Variants in MICAL1 observed in about 807,000 individuals in gnomAD.
MICAL1 encodes [F-actin]-monooxygenase MICAL1.
A neutral mutation model predicts 131.8 loss-of-function variants in MICAL1; 95 were observed. The ratio of observed to expected loss-of-function variants is 0.72; its 90% CI spans 0.61 to 0.86. MICAL1 has a LOEUF of 0.86. Among genes scored for constraint, MICAL1 ranks in the 40% least tolerant of loss-of-function variants. MICAL1 has a pLI of 0.00. For synonymous variants in MICAL1, 546 were observed against 554.2 expected (o/e 0.99, Z 0.21); for missense variants, 1,292 against 1,380.6 (o/e 0.94, Z 1.02).
chr6:109,457,279 A>T (rs1775776564), upstream of MICAL1, among the ~76,000 whole-genome samples: 1 of 152,198 alleles, frequency 6.6e-6, no homozygotes, highest in Admixed American at 6.5e-5. Flanking sequence ...CTAGCTTTTG[A>T]GTGTGACACG....
intron 9 of MICAL1, 22 bp from the exon 10 acceptor site, chr6:109,449,805 G>T: frequency 6.3e-7 from 1 of 1,599,546 alleles, no homozygotes. Flanking sequence ...AGGGTAAGGG[G>T]CAGGGGCATG....
rs1775187742 is a variant in MICAL1 at position 109,445,775 on chromosome 6, T to C, written c.2669A>G (p.Glu890Gly). Residue 890 changes from glutamate (E) to glycine (G), a missense_variant, in exon 20 of 25, where the codon GAA (glutamate) becomes GGA (glycine). Coordinates refer to ENST00000358807, the MANE Select transcript of MICAL1 (RefSeq NM_022765.4). The part of the protein sequence containing the change: ...EEDVPLDSDV[E>G]QALQTFAKTS... ...GCTGCACGCTGGCCCACTCACCTGT[T>C]CCACATCTGAGTCCAAAGGCACATC... The C allele has an allele frequency of 4.3e-6, 7 of 1,610,706 alleles. No individual in the cohort carries two copies. Among genetic ancestry groups the C allele is most frequent in the Non-Finnish European group, 5.9e-6 (7 of 1,178,688 alleles).
At chr6:109,446,668 AAT>A (rs1321737541) in intron 18 of MICAL1, 26 bp downstream of exon 18, 5 of 1,607,534 alleles carry the variant, frequency 3.1e-6, no homozygotes, top group Admixed American at 3.4e-5. Flanking sequence ...CCCATGCCCC[AAT>A]ATACATACAC....
Position 109,453,308 on chromosome 6 carries a change from G to A in MICAL1, c.526C>T (p.His176Tyr). 6.2e-7 allele frequency: 1 copy of A among 1,614,102 alleles called. No individual in the cohort carries two copies. Among genetic ancestry groups the A allele is most frequent in the Non-Finnish European group, 8.5e-7 (1 of 1,180,004 alleles). ...AGGCCAGTGAAAGTGACACCCCAGT[G>A]AATTTCCACCCCCAGCAGCAATGCT... ...KVALLLGVEIHWGVTFTGLQP... is the reference protein window; with the variant it reads ...KVALLLGVEIYWGVTFTGLQP... The change falls in exon 4 of 25, where the codon CAC (histidine) becomes TAC (tyrosine). Residue 176 changes from histidine (H) to tyrosine (Y), a missense_variant. Coordinates refer to ENST00000358807, the MANE Select transcript of MICAL1 (RefSeq NM_022765.4).
intron 4 of MICAL1, among the ~76,000 whole-genome samples, chr6:109,452,922 C>T (rs1184938373): frequency 7.2e-5 from 11 of 151,982 alleles, no homozygotes; most frequent in Non-Finnish European, 1.5e-4. Context: ...TTTGGGAGAC[C>T]GAGGTGGGTG....
At chr6:109,449,076 G>C in intron 11 of MICAL1, 197 bp from the exon 12 acceptor site, 1 of 756,134 alleles carries the variant, frequency 1.3e-6, no homozygotes. Context: ...TTGGAATAAA[G>C]TAGAGGAGTG....
chr6:109,444,721 C>T lies in MICAL1; in HGVS notation c.3055+4G>A, dbSNP rs1775129756. ...GTGTCTGCTTCTCCCCACATTTCAC[C>T]TACCTTCCCGGTTCATGTAGCCTCG... On this transcript the variant is annotated splice_donor_region_variant and intron_variant, in intron 24 of 24. Coordinates refer to ENST00000358807, the MANE Select transcript of MICAL1 (RefSeq NM_022765.4). 9 of 1,614,088 alleles carry T rather than the reference C, an allele frequency of 5.6e-6. No homozygotes were observed. The highest frequency in any genetic ancestry group is 7.6e-6 in the Non-Finnish European group (9 of 1,180,014).
chr6:109,459,314 G>A (rs552429159), upstream of MICAL1, among the ~76,000 whole-genome samples: 164 of 152,324 alleles, frequency 1.1e-3, 1 homozygote, highest in Non-Finnish European at 7.3e-5. Context: ...ACTTCCAGTG[G>A]AGAAAGCCCA....
Position 109,445,478 on chromosome 6 carries a change from A to G in MICAL1, c.2725T>C (p.Trp909Arg), listed in dbSNP as rs1775170198. The change falls in exon 21 of 25, where the codon TGG becomes CGG. Residue 909 changes from tryptophan (W) to arginine (R), a missense_variant. Physicochemically the swap from Trp to Arg is moderately radical, Grantham distance 101. Transcript: ENST00000358807. ...GCACGGCGCAGCAGAGTCCGACGCC[A>G]TGTTGGGTAGTTATTCATGGTGCCT... Reference protein sequence around the residue: ...TSGTMNNYPTWRRTLLRRAKE... With the variant: ...TSGTMNNYPTRRRTLLRRAKE... 2 of 1,614,040 alleles carry G rather than the reference A, an allele frequency of 1.2e-6. No individual in the cohort carries two copies. The highest frequency in any genetic ancestry group is 1.7e-6 in the Non-Finnish European group (2 of 1,180,032).
rs757216467 is a variant in MICAL1 at position 109,449,717 on chromosome 6, A to G, written c.1374T>C (p.Tyr458=). The G allele has an allele frequency of 6.9e-6, 11 of 1,599,786 alleles. No homozygotes were observed. In the Admixed American group the frequency reaches 8.5e-5, roughly 12 times the overall value. The change falls in exon 10 of 25, where the codon TAT becomes TAC. Residue 458 remains tyrosine (Y), a synonymous_variant. Coordinates refer to ENST00000358807, the MANE Select transcript of MICAL1 (RefSeq NM_022765.4). The part of the protein sequence containing the change: ...PENMHRNVAQ[Y]GLDPATRYPN... The stretch of plus-strand genomic sequence containing the variant: ...GGTAGCGGGTGGCTGGGTCCAGCCC[A>G]TACTGGGCCACATTGCGATGCATGT...
chr6:109,452,314 A>T lies in MICAL1; in HGVS notation c.764T>A (p.Val255Glu), dbSNP rs1775575402. The T allele has an allele frequency of 6.2e-7, 1 of 1,614,018 alleles. No homozygotes were observed. The highest frequency in any genetic ancestry group is 1.1e-5 in the South Asian group (1 of 91,088). The change falls in exon 6 of 25, where the codon GTG becomes GAG. Residue 255 changes from valine to glutamate, a missense_variant. Physicochemically the swap from Val to Glu is moderately radical, Grantham distance 121. Transcript: ENST00000358807. Reference protein sequence around the residue: ...VNGRTVEETQVPEISGVARIY... With the variant: ...VNGRTVEETQEPEISGVARIY... ...CCTGGCTACACCACTGATCTCCGGC[A>T]CCTGTGTCTCCTCCACGGTGCGTCC...
At chr6:109,445,315 C>T (rs776203744) in intron 21 of MICAL1, 25 bp from the exon 22 acceptor site, 46 of 1,613,786 alleles carry the variant, frequency 2.9e-5, no homozygotes, top group Non-Finnish European at 3.6e-5. Flanking sequence ...ACAGAATATC[C>T]AGGAGTCTCT....
chr6:109,449,720 C>G lies in MICAL1; in HGVS notation c.1371G>C (p.Gln457His), dbSNP rs780315795. ...SPENMHRNVA[Q>H]YGLDPATRYP... ...AGCGGGTGGCTGGGTCCAGCCCATACTGGGCCACATTGCGATGCATGTTTT... is the reference window on the plus strand; with the variant it reads ...AGCGGGTGGCTGGGTCCAGCCCATAGTGGGCCACATTGCGATGCATGTTTT... The change falls in exon 10 of 25, where the codon CAG becomes CAC. Residue 457 changes from glutamine (Q) to histidine (H), a missense_variant. Transcript: ENST00000358807. 4.4e-6 allele frequency: 7 copies of G among 1,600,702 alleles called. No homozygotes were observed. Among genetic ancestry groups the G allele is most frequent in the South Asian group, 3.4e-5 (3 of 88,384 alleles).
chr6:109,462,686 A>C (rs1562297456), intron 1 of MICAL1: 1 of 152,220 alleles, frequency 6.6e-6, no homozygotes, highest in Non-Finnish European at 1.5e-5. Flanking sequence ...GGTGAGTTTC[A>C]AGAAGCACTG....
chr6:109,448,152 C>A (rs1276344152), intron 13 of MICAL1, 51 bp downstream of exon 13: 1 of 1,581,750 alleles, frequency 6.3e-7, no homozygotes, highest in Non-Finnish European at 8.6e-7. Flanking sequence ...CACACACACA[C>A]ACACACACCT....
At position 109,455,731 on chromosome 6, in the gene MICAL1, A is replaced by G; in HGVS notation, c.-56T>C. 7 of 963,836 alleles carry G rather than the reference A, an allele frequency of 7.3e-6. No individual in the cohort carries two copies. Among genetic ancestry groups the G allele is most frequent in the Non-Finnish European group, 7.3e-6 (6 of 825,392 alleles). 59.7% of individuals were successfully genotyped at this position (963,836 alleles called of 1,614,324 possible). A position where few individuals can be genotyped will look rare whatever the true frequency, so the allele number is the denominator to read the frequency against. ...CTGGACGACTTACCGGCGGCTCCGAAGCCGGGAGGGGCCGCTTCCTGTTGG... is the reference window on the plus strand; with the variant it reads ...CTGGACGACTTACCGGCGGCTCCGAGGCCGGGAGGGGCCGCTTCCTGTTGG... On this transcript the variant is annotated 5_prime_UTR_variant, in exon 1 of 25. Coordinates refer to ENST00000358807, the MANE Select transcript of MICAL1 (RefSeq NM_022765.4). This position sits in a 1 kb window ranked among gnomAD's most constrained non-coding sequence, Gnocchi z 4.7.
chr6:109,444,214 A>C lies in MICAL1; in HGVS notation c.3181T>G (p.Leu1061Val), dbSNP rs1414404979. 2 of 1,613,406 alleles carry C rather than the reference A, an allele frequency of 1.2e-6. No individual in the cohort carries two copies. Among genetic ancestry groups the C allele is most frequent in the Non-Finnish European group, 1.7e-6 (2 of 1,179,994 alleles). ...QEERRLSELALGTGAQG is the reference protein window; with the variant it reads ...QEERRLSELAVGTGAQG Reference sequence around the variant, plus strand: ...GTCTAGCCCTGGGCCCCTGTCCCCAAGGCCAGCTCGCTGAGCCTGCGCTCC... The same window carrying C: ...GTCTAGCCCTGGGCCCCTGTCCCCACGGCCAGCTCGCTGAGCCTGCGCTCC... Residue 1061 changes from leucine (L) to valine (V), a missense_variant, in exon 25 of 25, where the codon TTG becomes GTG. Transcript: ENST00000358807.
chr6:109,451,789 T>C, intron 6 of MICAL1, 89 bp from the exon 7 acceptor site: 2 of 1,557,276 alleles, frequency 1.3e-6, no homozygotes, highest in Non-Finnish European at 1.7e-6. Context: ...ACCTCTGAGC[T>C]GGGATCCCAG....
At chr6:109,453,561 C>A in intron 3 of MICAL1, 77 bp downstream of exon 3, 1 of 1,526,834 alleles carries the variant, frequency 6.5e-7, no homozygotes, top group South Asian at 1.2e-5. Context: ...CGACATTTGG[C>A]TGTCCCAGCA....
Sources: allele counts gnomAD v4.1 joint callset (sites outside exome capture counted in the v4.1 genomes callset), GRCh38; gene constraint gnomAD v4.1.1; non-coding constraint Gnocchi (gnomAD v3.1); transcripts MANE v1.5; gene names NCBI Gene and HGNC (gene_info 2026-07-23, HGNC 2026-07-21).